The following CTNNA2 variants were observed in gnomAD, a reference collection of about 807,000 sequenced individuals.
CTNNA2 encodes catenin alpha-2.
CTNNA2 carries 42 observed loss-of-function variants against 101.0 expected under a neutral mutation model. The observed-to-expected ratio is 0.42, with a 90% CI of 0.32 to 0.54. The LOEUF (loss-of-function observed/expected upper bound fraction) is 0.54, where lower values mean the gene tolerates loss of function less well. CTNNA2 is among the 20% of genes least tolerant of loss of function. CTNNA2 has a pLI of 0.14. For missense variants in CTNNA2, 871 were observed against 1,223.1 expected (o/e 0.71, Z 4.29); for synonymous variants, 450 against 456.4 (o/e 0.99, Z 0.18).
At chr2:79,476,375 T>C (rs12620205) in intron 4 of CTNNA2, among the ~76,000 whole-genome samples, 87,876 of 152,048 alleles carry the variant, frequency 0.58, 26,273 homozygotes, top group Non-Finnish European at 0.66. Context: ...AGAACTGGGC[T>C]GAAGGGAGCC....
intron 2 of CTNNA2, among the ~76,000 whole-genome samples, chr2:79,210,816 G>A (rs1238675333): frequency 2.0e-5 from 3 of 152,058 alleles, no homozygotes; most frequent in African/African-American, 4.8e-5. Context: ...CAGAGATTCC[G>A]ATGTGTCCCC....
intron 3 of CTNNA2, among the ~76,000 whole-genome samples, chr2:79,820,311 G>GTTTTTC (rs1677901991): frequency 6.6e-6 from 1 of 151,970 alleles, no homozygotes; most frequent in Non-Finnish European, 1.5e-5. Flanking sequence ...ATACGTTTTT[G>GTTTTTC]TTTTTCTTTT....
rs546404020 is a variant in CTNNA2, at chr2:80,623,665, G to T, written c.2574+4437G>T. 2.0e-5 allele frequency among the ~76,000 whole-genome samples: 3 copies of T among 151,966 alleles called. No individual in the cohort carries two copies. The South Asian group carries it at 6.2e-4, about 31-fold the overall frequency. ...TTTGGGGGAGACTACTAAAATGCAC[G>T]ATCCTGGGCCATGTTGCAAAAACTT... On this transcript the variant is annotated intron_variant, in intron 18 of 18. Coordinates refer to ENST00000402739, the MANE Select transcript of CTNNA2 (RefSeq NM_001282597.3).
At chr2:79,472,763 A>G (rs1380627847) in intron 4 of CTNNA2, among the ~76,000 whole-genome samples, 1 of 152,116 alleles carries the variant, frequency 6.6e-6, no homozygotes, top group African/African-American at 2.4e-5. Flanking sequence ...CCAAATATTT[A>G]AGTTCTAGTT....
In CTNNA2 at chr2:80,647,965, A is replaced by G; in HGVS notation, c.*93A>G. The G allele has an allele frequency of 8.1e-7, 1 of 1,240,196 alleles. No homozygotes were observed. Among genetic ancestry groups the G allele is most frequent in the Non-Finnish European group, 1.1e-6 (1 of 899,468 alleles). 76.8% of individuals were successfully genotyped at this position (1,240,196 alleles called of 1,614,324 possible). A position where few individuals can be genotyped will look rare whatever the true frequency, so the allele number is the denominator to read the frequency against. ...TTTGTATGCATACCTGCCAGCTCGTATGCCTCTGGCATGGGGAAATTAAGG... is the reference window on the plus strand; with the variant it reads ...TTTGTATGCATACCTGCCAGCTCGTGTGCCTCTGGCATGGGGAAATTAAGG... On this transcript the variant is annotated 3_prime_UTR_variant, in exon 19 of 19. Transcript: ENST00000402739.
At chr2:79,550,197 A>G (rs1407505563) in intron 1 of CTNNA2, among the ~76,000 whole-genome samples, 1 of 152,176 alleles carries the variant, frequency 6.6e-6, no homozygotes, top group African/African-American at 2.4e-5. Context: ...CACTCTGGTT[A>G]CCTTTATGAT....
At chr2:79,786,145 G>A (rs962082745) in intron 3 of CTNNA2, among the ~76,000 whole-genome samples, 2 of 147,886 alleles carry the variant, frequency 1.4e-5, no homozygotes, top group Non-Finnish European at 3.0e-5. Context: ...GTGCTTCAGT[G>A]TGATTTAATA....
At chr2:80,071,833 C>G (rs1455021093) in intron 7 of CTNNA2, among the ~76,000 whole-genome samples, 1 of 152,108 alleles carries the variant, frequency 6.6e-6, no homozygotes, top group African/African-American at 2.4e-5. Context: ...GGTGGTACCA[C>G]ATGTAATGTC....
intron 7 of CTNNA2, among the ~76,000 whole-genome samples, chr2:80,113,307 T>A (rs990264761): frequency 4.6e-5 from 7 of 152,250 alleles, no homozygotes; most frequent in Non-Finnish European, 8.8e-5. Flanking sequence ...CAAAAAAAGC[T>A]ATTTTTAAAT....
At chr2:79,854,414 T>C (rs1172372597) in intron 3 of CTNNA2, among the ~76,000 whole-genome samples, 1 of 152,234 alleles carries the variant, frequency 6.6e-6, no homozygotes, top group Non-Finnish European at 1.5e-5. Flanking sequence ...GAGGCAGCTG[T>C]CATTATTTTC....
chr2:79,314,314 G>T lies in CTNNA2; in HGVS notation c.-318+1518G>T, dbSNP rs59396826. 3.3e-5 allele frequency among the ~76,000 whole-genome samples: 5 copies of T among 152,286 alleles called. No homozygotes were observed. The East Asian group carries it at 9.7e-4, about 30-fold the overall frequency. ...GGTATCTCATAGAAGTGATACCTAG[G>T]AGTTCTTGCCACACAAACAGGACTG... On this transcript the variant is annotated intron_variant, in intron 3 of 21. Coordinates refer to the CTNNA2 transcript ENST00000466387.
At chr2:80,392,267 G>A (rs981025243) in intron 7 of CTNNA2, among the ~76,000 whole-genome samples, 11 of 152,086 alleles carry the variant, frequency 7.2e-5, no homozygotes, top group African/African-American at 2.4e-4. Context: ...GACTGAGTAG[G>A]CCACAATAAT....
chr2:80,532,205 C>T (rs1223565671), intron 9 of CTNNA2, among the ~76,000 whole-genome samples: 1 of 152,114 alleles, frequency 6.6e-6, no homozygotes, highest in African/African-American at 2.4e-5. Context: ...TGGTAGTCCC[C>T]CCTTATCCAT....
chr2:79,643,041 A>T (rs965518235), intron 1 of CTNNA2, among the ~76,000 whole-genome samples: 1 of 152,034 alleles, frequency 6.6e-6, no homozygotes, highest in African/African-American at 2.4e-5. Context: ...AAATACAAAA[A>T]TTAGCTGGGC....
At chr2:79,787,341 G>T (rs59195336) in intron 3 of CTNNA2, among the ~76,000 whole-genome samples, 3,965 of 152,046 alleles carry the variant, frequency 0.026, 181 homozygotes, top group African/African-American at 0.089. Context: ...ACAATTAGGG[G>T]AGCCCAGTGA....
chr2:79,632,310 T>C (rs1679745407), intron 1 of CTNNA2, among the ~76,000 whole-genome samples: 1 of 152,166 alleles, frequency 6.6e-6, no homozygotes. Flanking sequence ...TCGATAAAAA[T>C]TGTGTGCATA....
chr2:80,058,631 G>T (rs935244474), intron 7 of CTNNA2, among the ~76,000 whole-genome samples: 2 of 152,144 alleles, frequency 1.3e-5, no homozygotes, highest in African/African-American at 4.8e-5. Flanking sequence ...CAGCTGCTTG[G>T]CCAGAGAAGT....
intron 3 of CTNNA2, among the ~76,000 whole-genome samples, chr2:79,357,863 T>C: frequency 6.6e-6 from 1 of 152,172 alleles, no homozygotes; most frequent in East Asian, 1.9e-4. Flanking sequence ...GAAACGTTTT[T>C]TTAAAGCGAA....
intron 6 of CTNNA2, among the ~76,000 whole-genome samples, chr2:79,904,738 A>C (rs2104297223): frequency 6.6e-6 from 1 of 152,278 alleles, no homozygotes; most frequent in East Asian, 1.9e-4. Context: ...GCTTTGATGG[A>C]GGTCTGTCTG....
Sources: gnomAD v4.1 joint callset for allele counts (sites outside exome capture counted in the v4.1 genomes callset) on GRCh38, gnomAD v4.1.1 for gene constraint, MANE v1.5 for transcripts, NCBI Gene and HGNC (gene_info 2026-07-23, HGNC 2026-07-21) for gene names.